UGT2B10: variants seen among roughly 807,000 people sequenced by gnomAD.
UGT2B10 encodes UDP-glucuronosyltransferase 2B10.
Under a neutral mutation model 43.7 loss-of-function variants are expected in UGT2B10, and 51 were observed. That is an observed-to-expected ratio of 1.17 (90% CI 0.93 to 1.47). UGT2B10 has a LOEUF of 1.47. Ranked by LOEUF, UGT2B10 falls within the 40% of genes most tolerant of loss-of-function variation. The probability of loss-of-function intolerance (pLI) is 0.00; values close to 1 mark genes in which losing one functional copy is unlikely to be tolerated. For synonymous variants in UGT2B10, 225 were observed against 209.0 expected (o/e 1.08, Z -0.66); for missense variants, 696 against 617.7 (o/e 1.13, Z -1.34).
chr4:68,831,210 C>A lies in UGT2B10; in HGVS notation c.*331C>A. On this transcript the variant is annotated 3_prime_UTR_variant, in exon 6 of 6. Transcript: ENST00000265403. Reference sequence around the variant, plus strand: ...CTAAGCTCAAGAGGTTCTCTCACCTCAGCCCCCCAAGTAGCTGGGACCATA... The same window carrying A: ...CTAAGCTCAAGAGGTTCTCTCACCTAAGCCCCCCAAGTAGCTGGGACCATA... 1 of 239,454 alleles carries A rather than the reference C, an allele frequency of 4.2e-6. No homozygotes were observed. Among genetic ancestry groups the A allele is most frequent in the Non-Finnish European group, 8.0e-6 (1 of 125,178 alleles). 14.8% of individuals were successfully genotyped at this position (239,454 alleles called of 1,614,324 possible).
chr4:68,825,980 A>C (rs1185075803), intron 3 of UGT2B10, among the ~76,000 whole-genome samples: 2 of 152,046 alleles, frequency 1.3e-5, no homozygotes, highest in Non-Finnish European at 2.9e-5. Flanking sequence ...TTCCTTTTCT[A>C]TACAACCTCG....
At chr4:68,830,228 T>C (rs1178214682) in intron 5 of UGT2B10, among the ~76,000 whole-genome samples, 8 of 152,088 alleles carry the variant, frequency 5.3e-5, no homozygotes, top group Non-Finnish European at 8.8e-5. Flanking sequence ...TTATTTTCCA[T>C]GATGTGATTA....
intron 5 of UGT2B10, among the ~76,000 whole-genome samples, chr4:68,829,415 C>T (rs924515082): frequency 6.6e-6 from 1 of 151,964 alleles, no homozygotes; most frequent in African/African-American, 2.4e-5. Flanking sequence ...GTATTTTTGC[C>T]TCAAGATAAT....
intron 5 of UGT2B10, among the ~76,000 whole-genome samples, chr4:68,828,316 T>A (rs536686065): frequency 2.0e-5 from 3 of 149,902 alleles, no homozygotes; most frequent in Non-Finnish European, 4.4e-5. Flanking sequence ...TAATATTTAA[T>A]TTCTTTTACA....
chr4:68,829,878 T>G (rs577799745), intron 5 of UGT2B10, among the ~76,000 whole-genome samples: 67 of 152,158 alleles, frequency 4.4e-4, no homozygotes, highest in Middle Eastern at 3.4e-3. Flanking sequence ...ATTTTATTCT[T>G]AAAATAATGA....
chr4:68,825,628 A>G (rs1294396242), intron 3 of UGT2B10, among the ~76,000 whole-genome samples: 1 of 152,062 alleles, frequency 6.6e-6, no homozygotes, highest in Non-Finnish European at 1.5e-5. Context: ...GCTAAGGCTA[A>G]TGGCCACCAG....
At chr4:68,826,134 C>T (rs1027450510) in intron 3 of UGT2B10, among the ~76,000 whole-genome samples, 1 of 151,866 alleles carries the variant, frequency 6.6e-6, no homozygotes, top group Non-Finnish European at 1.5e-5. Flanking sequence ...GCAGGTAGTT[C>T]TTCTTTTAAA....
intron 5 of UGT2B10, among the ~76,000 whole-genome samples, chr4:68,828,204 A>G (rs1737898281): frequency 3.3e-5 from 5 of 152,078 alleles, no homozygotes; most frequent in Admixed American, 3.3e-4. Flanking sequence ...TAGATGTTTC[A>G]TATAAATGGA....
intron 3 of UGT2B10, among the ~76,000 whole-genome samples, chr4:68,824,371 G>A (rs942254260): frequency 5.3e-5 from 8 of 152,252 alleles, no homozygotes; most frequent in Admixed American, 4.6e-4. Flanking sequence ...ATAAAATGTG[G>A]CCCCACAAGG....
At chr4:68,825,342 T>G (rs1578270671) in intron 3 of UGT2B10, among the ~76,000 whole-genome samples, 1 of 152,020 alleles carries the variant, frequency 6.6e-6, no homozygotes, top group South Asian at 2.1e-4. Flanking sequence ...CTTTTATTTT[T>G]AACTTTTATT....
At chr4:68,830,061 G>C (rs925631004) in intron 5 of UGT2B10, among the ~76,000 whole-genome samples, 1 of 151,982 alleles carries the variant, frequency 6.6e-6, no homozygotes, top group African/African-American at 2.4e-5. Context: ...TAGGAACTTA[G>C]AGATGTTAAT....
intron 2 of UGT2B10, among the ~76,000 whole-genome samples, chr4:68,821,275 A>G (rs7670334): frequency 0.1 from 15,294 of 152,232 alleles, 889 homozygotes; most frequent in African/African-American, 0.16. Context: ...TCAAGTCAGA[A>G]TAATTCTCAA....
In UGT2B10 at chr4:68,818,106, C is replaced by G. The variant is rs1737308536; in HGVS notation, c.796C>G (p.Pro266Ala). 6.2e-7 allele frequency: 1 copy of G among 1,611,806 alleles called. No homozygotes were observed. The highest frequency in any genetic ancestry group is 1.3e-5 in the African/African-American group (1 of 74,758). The change falls in exon 2 of 6, where the codon CCT (proline) becomes GCT (alanine). Residue 266 changes from proline (P) to alanine (A), a missense_variant. By Grantham distance (27) the Pro-to-Ala change is conservative (BLOSUM62 -1). Coordinates refer to ENST00000265403, the MANE Select transcript of UGT2B10 (RefSeq NM_001075.6). ...LMRNSWNFKFPHPFLPNVDFV... is the reference protein window; with the variant it reads ...LMRNSWNFKFAHPFLPNVDFV... ...GCGAAACTCCTGGAATTTTAAATTT[C>G]CTCATCCATTCTTACCAAATGTTGA...
In UGT2B10 at chr4:68,827,435, A is replaced by C. The variant is rs202159234; in HGVS notation, c.1194A>C (p.Gln398His). ...PMVGIPLFFD[Q>H]PDNIAHMKAK... ...TGGGCATTCCATTGTTTTTTGATCAACCTGATAATATTGCTCACATGAAGG... is the reference window on the plus strand; with the variant it reads ...TGGGCATTCCATTGTTTTTTGATCACCCTGATAATATTGCTCACATGAAGG... Residue 398 changes from glutamine (Q) to histidine (H), a missense_variant, in exon 5 of 6, where the codon CAA becomes CAC. Coordinates refer to ENST00000265403, the MANE Select transcript of UGT2B10 (RefSeq NM_001075.6). 201 of 1,613,466 alleles carry C rather than the reference A, an allele frequency of 1.2e-4. 3 individuals carry two copies. Among genetic ancestry groups the C allele is most frequent in the Admixed American group, 5.0e-5 (3 of 59,942 alleles).
rs1738077522 is a variant in UGT2B10, at chr4:68,831,073, A to G, written c.*194A>G. 1 of 710,402 alleles carries G rather than the reference A, an allele frequency of 1.4e-6. No homozygotes were observed. Among genetic ancestry groups the G allele is most frequent in the Non-Finnish European group, 2.3e-6 (1 of 443,422 alleles). The allele number at this position is 710,402 out of a possible 1,614,324, so 44.0% of individuals were successfully genotyped here. A position where few individuals can be genotyped will look rare whatever the true frequency, so the allele number is the denominator to read the frequency against. ...TAATGGTTAGAAATATTCTGTGGCAATGAAGAAAACACTAGGGGAAATAAA... is the reference window on the plus strand; with the variant it reads ...TAATGGTTAGAAATATTCTGTGGCAGTGAAGAAAACACTAGGGGAAATAAA... On this transcript the variant is annotated 3_prime_UTR_variant, in exon 6 of 6. Transcript: ENST00000265403.
At chr4:68,824,164 T>TA (rs764571859) in intron 3 of UGT2B10, among the ~76,000 whole-genome samples, 34 of 152,374 alleles carry the variant, frequency 2.2e-4, no homozygotes, top group South Asian at 1.0e-3. Flanking sequence ...ATCTGAATGA[T>TA]GTTCAGGCTA....
At position 68,818,180 on chromosome 4, in the gene UGT2B10, A is replaced by C. The variant is rs1737316960; in HGVS notation, c.867+3A>C. ...AACCTGCCAAACCCCTACCTAAGGTAAACATACTTTCGTTGGTTTTATTTT... is the reference window on the plus strand; with the variant it reads ...AACCTGCCAAACCCCTACCTAAGGTCAACATACTTTCGTTGGTTTTATTTT... On this transcript the variant is annotated splice_donor_region_variant and intron_variant, in intron 2 of 5. Transcript: ENST00000265403. 1 of 1,608,098 alleles carries C rather than the reference A, an allele frequency of 6.2e-7. No homozygotes were observed. Among genetic ancestry groups the C allele is most frequent in the Non-Finnish European group, 8.5e-7 (1 of 1,177,368 alleles).
At chr4:68,818,763 A>G (rs909629152) in intron 2 of UGT2B10, among the ~76,000 whole-genome samples, 16 of 151,948 alleles carry the variant, frequency 1.1e-4, no homozygotes, top group Admixed American at 6.6e-5. Context: ...GAAAGCAGAT[A>G]AAGTGGTCAG....
At chr4:68,818,280 G>C (rs1176176387) in intron 2 of UGT2B10, 103 bp downstream of exon 2, 1 of 1,552,256 alleles carries the variant, frequency 6.4e-7, no homozygotes, top group Non-Finnish European at 8.6e-7. Context: ...AAAAAGATGG[G>C]AAGTAGGTGG....
Sources: allele counts gnomAD v4.1 joint callset (sites outside exome capture counted in the v4.1 genomes callset), GRCh38; gene constraint gnomAD v4.1.1; transcripts MANE v1.5; gene names NCBI Gene and HGNC (gene_info 2026-07-23, HGNC 2026-07-21).